The following ADCY10 variants were observed in gnomAD, a reference collection of about 807,000 sequenced individuals.
The protein encoded by ADCY10 is adenylate cyclase type 10.
Under a neutral mutation model 183.3 loss-of-function variants are expected in ADCY10, and 156 were observed. That is an observed-to-expected ratio of 0.85 (90% CI 0.75 to 0.97). The LOEUF (loss-of-function observed/expected upper bound fraction) is 0.97. Among genes scored for constraint, ADCY10 ranks in the 50% least tolerant of loss-of-function variants. The pLI, the probability that ADCY10 is intolerant of heterozygous loss-of-function variation, is 0.00. For missense variants in ADCY10, 1,745 were observed against 1,934.3 expected (o/e 0.90, Z 1.84); for synonymous variants, 645 against 670.0 (o/e 0.96, Z 0.58).
intron 14 of ADCY10, among the ~76,000 whole-genome samples, chr1:167,866,694 A>G (rs930907866): frequency 2.0e-5 from 3 of 150,828 alleles, no homozygotes; most frequent in South Asian, 4.2e-4. Flanking sequence ...TATTATAGTA[A>G]CTTCTAATCT....
chr1:167,809,591 A>G lies in ADCY10; in HGVS notation c.*87T>C. 1.4e-6 allele frequency: 2 copies of G among 1,400,638 alleles called. No individual in the cohort carries two copies. The highest frequency in any genetic ancestry group is 2.3e-5 in the East Asian group (1 of 43,824). The allele number at this position is 1,400,638 out of a possible 1,614,324, so 86.8% of individuals were successfully genotyped here. A position where few individuals can be genotyped will look rare whatever the true frequency, so the allele number is the denominator to read the frequency against. On this transcript the variant is annotated 3_prime_UTR_variant, in exon 33 of 33. Coordinates refer to ENST00000367851, the MANE Select transcript of ADCY10 (RefSeq NM_018417.6). Reference sequence around the variant, plus strand: ...CTGGAACAGAAGAGATTATGTAGGAACCTGGAGTGGGCCAGCCACGGAGAA... The same window carrying G: ...CTGGAACAGAAGAGATTATGTAGGAGCCTGGAGTGGGCCAGCCACGGAGAA...
chr1:167,878,709 C>G, intron 11 of ADCY10, 74 bp from the exon 12 acceptor site: 1 of 1,452,506 alleles, frequency 6.9e-7, no homozygotes. Flanking sequence ...GAAACATTGT[C>G]CCCAAATAGC....
chr1:167,889,012 A>T (rs946876020), intron 8 of ADCY10, among the ~76,000 whole-genome samples: 9 of 152,166 alleles, frequency 5.9e-5, no homozygotes, highest in Admixed American at 6.5e-5. Flanking sequence ...TCCAAATATA[A>T]TAAGATCATC....
At chr1:167,818,750 G>C (rs1033829120) in intron 30 of ADCY10, among the ~76,000 whole-genome samples, 1 of 152,150 alleles carries the variant, frequency 6.6e-6, no homozygotes, top group Non-Finnish European at 1.5e-5. Flanking sequence ...TGTTGGCTAG[G>C]CTGGTCTCGA....
intron 6 of ADCY10, among the ~76,000 whole-genome samples, chr1:167,896,950 T>A (rs1669023551): frequency 6.6e-6 from 1 of 152,182 alleles, no homozygotes; most frequent in African/African-American, 2.4e-5. Flanking sequence ...ATCTTATACT[T>A]TTCTGCCCTT....
intron 2 of ADCY10, chr1:167,904,559 A>G: frequency 2.6e-6 from 1 of 379,808 alleles, no homozygotes; most frequent in Non-Finnish European, 4.7e-6. Context: ...TTTAACTGGG[A>G]ATAAAATTTT....
At chr1:167,891,976 CTTT>C (rs376364252) in intron 8 of ADCY10, among the ~76,000 whole-genome samples, 2 of 140,020 alleles carry the variant, frequency 1.4e-5, no homozygotes. Context: ...TTTTTCTTTT[CTTT>C]TTTTTTTTTT....
At position 167,911,253 on chromosome 1, in the gene ADCY10, C is replaced by T. The variant is rs555157655; in HGVS notation, c.-59+2723G>A. ...GTTCCTCTTCAAAGACTTTCCTCCC[C>T]GTCTAATTAGGAATAAATAGTAACT... On this transcript the variant is annotated intron_variant, in intron 1 of 32. Transcript: ENST00000367851. Among the ~76,000 whole-genome samples, 8 of 152,308 alleles carry T rather than the reference C, an allele frequency of 5.3e-5. No homozygotes were observed. The South Asian group carries it at 1.5e-3, about 28-fold the overall frequency.
Position 167,883,524 on chromosome 1 carries a change from G to A in ADCY10, c.933C>T (p.Gly311=). 2 of 1,614,210 alleles carry A rather than the reference G, an allele frequency of 1.2e-6. No homozygotes were observed. Among genetic ancestry groups the A allele is most frequent in the South Asian group, 1.1e-5 (1 of 91,086 alleles). ...FEDQDKAEEI[G]PAIQDAYMHI... ...GCATATAGGCATCCTGGATGGCTGG[G>A]CCTATCTCTTCTGCTTTGTCTTGGT... The change falls in exon 9 of 33, where the codon GGC becomes GGT. Residue 311 remains glycine (G), a synonymous_variant. Transcript: ENST00000367851.
At chr1:167,889,634 G>GT (rs1427193167) in intron 8 of ADCY10, among the ~76,000 whole-genome samples, 1 of 152,124 alleles carries the variant, frequency 6.6e-6, no homozygotes, top group Admixed American at 6.5e-5. Flanking sequence ...TTTCAGAGTA[G>GT]TTTGAGTACG....
chr1:167,884,671 C>T (rs1414050579), intron 8 of ADCY10, among the ~76,000 whole-genome samples: 6 of 151,356 alleles, frequency 4.0e-5, no homozygotes, highest in Non-Finnish European at 7.4e-5. Context: ...ATATTCTCTA[C>T]CCCCATGAGT....
At chr1:167,867,707 A>C (rs1666806011) in intron 14 of ADCY10, among the ~76,000 whole-genome samples, 1 of 152,170 alleles carries the variant, frequency 6.6e-6, no homozygotes, top group South Asian at 2.1e-4. Context: ...CCAAGCATGT[A>C]ACACTAAAAT....
rs530952605 is a variant in ADCY10, at chr1:167,875,271, A to G, written c.1407-85T>C. 9.3e-6 allele frequency: 13 copies of G among 1,402,190 alleles called. No individual in the cohort carries two copies. In the South Asian group the frequency reaches 1.5e-4, roughly 16 times the overall value. 86.9% of individuals were successfully genotyped at this position (1,402,190 alleles called of 1,614,324 possible). A position where few individuals can be genotyped will look rare whatever the true frequency, so the allele number is the denominator to read the frequency against. On this transcript the variant is annotated intron_variant, in intron 12 of 32. Coordinates refer to ENST00000367851, the MANE Select transcript of ADCY10 (RefSeq NM_018417.6). ...GAGTGATTAGTTCTTAGTTCCCAGA[A>G]AGTTTCCTTCTCAATTGCTAACAAG...
intron 31 of ADCY10, among the ~76,000 whole-genome samples, chr1:167,816,199 C>T (rs904619313): frequency 6.6e-6 from 1 of 151,944 alleles, no homozygotes; most frequent in Non-Finnish European, 1.5e-5. Context: ...GGATATATGC[C>T]CCAAAACCCC....
chr1:167,834,152 C>T, intron 23 of ADCY10, 75 bp from the exon 24 acceptor site: 1 of 1,114,944 alleles, frequency 9.0e-7, no homozygotes, highest in Non-Finnish European at 1.4e-6. Flanking sequence ...TTGCCCCAGA[C>T]TCTACTGAAG....
intron 8 of ADCY10, among the ~76,000 whole-genome samples, chr1:167,893,304 T>C (rs1363584857): frequency 6.6e-6 from 1 of 152,238 alleles, no homozygotes; most frequent in Non-Finnish European, 1.5e-5. Flanking sequence ...TGCGCAATTA[T>C]ATAAGGCAAC....
intron 13 of ADCY10, 52 bp downstream of exon 13, chr1:167,875,079 A>G (rs1180361334): frequency 2.9e-6 from 4 of 1,381,952 alleles, no homozygotes; most frequent in Non-Finnish European, 4.1e-6. Flanking sequence ...ACTTTTCTGC[A>G]TGTTTTGTTT....
chr1:167,875,381 C>G (rs1359849380), intron 12 of ADCY10, among the ~76,000 whole-genome samples, 195 bp from the exon 13 acceptor site: 1 of 152,122 alleles, frequency 6.6e-6, no homozygotes, highest in African/African-American at 2.4e-5. Flanking sequence ...ATCCAAAGAA[C>G]TCAGGTAGCA....
Position 167,893,917 on chromosome 1 carries a change from A to T in ADCY10, c.764T>A (p.Leu255Gln), listed in dbSNP as rs1668777100. ...HKNLLRLACT[L>Q]KPDPELEMSL... ...CATCTCCAGTTCAGGATCAGGCTTCAGCGTGCATGCAAGCCTCAGGAGGTC... is the reference window on the plus strand; with the variant it reads ...CATCTCCAGTTCAGGATCAGGCTTCTGCGTGCATGCAAGCCTCAGGAGGTC... Residue 255 changes from leucine to glutamine, a missense_variant, in exon 8 of 33, where the codon CTG (leucine) becomes CAG (glutamine). By Grantham distance (113) the Leu-to-Gln change is moderately radical. Transcript: ENST00000367851. The T allele has an allele frequency of 1.2e-6, 2 of 1,613,412 alleles. No individual in the cohort carries two copies. Among genetic ancestry groups the T allele is most frequent in the Admixed American group, 3.3e-5 (2 of 59,990 alleles).
Sources: allele counts gnomAD v4.1 joint callset (sites outside exome capture counted in the v4.1 genomes callset), GRCh38; gene constraint gnomAD v4.1.1; transcripts MANE v1.5; gene names NCBI Gene and HGNC (gene_info 2026-07-23, HGNC 2026-07-21).